Variants in MRPS31 observed in about 807,000 individuals in gnomAD.
MRPS31 encodes the protein mitochondrial ribosomal protein S31.
MRPS31 carries 32 observed loss-of-function variants against 43.1 expected under a neutral mutation model. The observed-to-expected ratio is 0.74, with a 90% CI of 0.56 to 1.00. MRPS31 has a LOEUF of 1.00. Ranked by LOEUF, MRPS31 falls within the 50% of genes least tolerant of loss-of-function variation. MRPS31 has a pLI of 0.00. For missense variants in MRPS31, 437 were observed against 466.7 expected (o/e 0.94, Z 0.59); for synonymous variants, 165 against 161.6 (o/e 1.02, Z -0.16).
intron 6 of MRPS31, among the ~76,000 whole-genome samples, chr13:40,735,674 G>A (rs1879877844): frequency 1.3e-5 from 2 of 152,068 alleles, no homozygotes; most frequent in Non-Finnish European, 2.9e-5. Context: ...GGGGCAGACT[G>A]ACACCTCACA....
intron 6 of MRPS31, among the ~76,000 whole-genome samples, chr13:40,733,002 T>C (rs941288283): frequency 2.8e-5 from 4 of 143,250 alleles, no homozygotes; most frequent in Admixed American, 2.8e-4. Context: ...TGGTTTTTTT[T>C]TTTTTTTTTT....
At chr13:40,757,961 T>C (rs373946910) in intron 3 of MRPS31, among the ~76,000 whole-genome samples, 15 of 150,780 alleles carry the variant, frequency 9.9e-5, no homozygotes, top group East Asian at 8.2e-4. Flanking sequence ...GCTAACACAG[T>C]GAAACACTGT....
chr13:40,750,139 G>A (rs1285032505), intron 5 of MRPS31, among the ~76,000 whole-genome samples: 2 of 152,130 alleles, frequency 1.3e-5, no homozygotes, highest in Non-Finnish European at 2.9e-5. Context: ...CCACTAACAG[G>A]TGAATAGGTA....
At chr13:40,758,593 T>C (rs772461665) in intron 3 of MRPS31, among the ~76,000 whole-genome samples, 3 of 152,222 alleles carry the variant, frequency 2.0e-5, no homozygotes, top group Non-Finnish European at 4.4e-5. Flanking sequence ...CTGAAGATTA[T>C]CATCCTGTGC....
At chr13:40,741,076 TGAG>T (rs1880076205) in intron 6 of MRPS31, among the ~76,000 whole-genome samples, 3 of 151,632 alleles carry the variant, frequency 2.0e-5, no homozygotes, top group South Asian at 4.2e-4. Context: ...ATTGGAAGGA[TGAG>T]GAGAAGATAT....
chr13:40,757,742 CTTT>C (rs374204641), intron 3 of MRPS31, among the ~76,000 whole-genome samples: 2 of 129,574 alleles, frequency 1.5e-5, no homozygotes, highest in African/African-American at 5.6e-5. Context: ...GTGCGCCTGG[CTTT>C]TTTTTTTTTT....
intron 4 of MRPS31, among the ~76,000 whole-genome samples, chr13:40,756,403 G>A (rs1880527090): frequency 6.6e-6 from 1 of 152,130 alleles, no homozygotes; most frequent in Non-Finnish European, 1.5e-5. Context: ...ATTTTAAAGT[G>A]TTATATAAAC....
chr13:40,760,722 C>T (rs1397369661), intron 2 of MRPS31, among the ~76,000 whole-genome samples: 1 of 151,248 alleles, frequency 6.6e-6, no homozygotes, highest in Non-Finnish European at 1.5e-5. Flanking sequence ...CCCATTTCAT[C>T]CTCCTGAGTA....
intron 6 of MRPS31, among the ~76,000 whole-genome samples, chr13:40,743,364 A>T (rs113934843): frequency 0.021 from 3,133 of 151,936 alleles, 98 homozygotes; most frequent in African/African-American, 0.069. Context: ...GAGAAGTGGG[A>T]CCTCATTAAA....
chr13:40,768,096 T>C (rs1427398272), intron 1 of MRPS31, among the ~76,000 whole-genome samples: 1 of 152,248 alleles, frequency 6.6e-6, no homozygotes, highest in Non-Finnish European at 1.5e-5. Context: ...TAATTCTAAG[T>C]AATCCAAATA....
Position 40,729,176 on chromosome 13 carries a change from G to T in MRPS31, c.*196C>A. On this transcript the variant is annotated 3_prime_UTR_variant, in exon 7 of 7. Transcript: ENST00000323563. Reference sequence around the variant, plus strand: ...ATTACTAATTCCCAGATATTCTTTTGAACCTATGAATACTGATGATTTTTC... The same window carrying T: ...ATTACTAATTCCCAGATATTCTTTTTAACCTATGAATACTGATGATTTTTC... The T allele has an allele frequency of 2.5e-6, 1 of 406,794 alleles. No homozygotes were observed. The highest frequency in any genetic ancestry group is 4.4e-6 in the Non-Finnish European group (1 of 228,336). 25.2% of individuals were successfully genotyped at this position (406,794 alleles called of 1,614,324 possible).
intron 6 of MRPS31, among the ~76,000 whole-genome samples, chr13:40,737,740 G>T (rs1039510065): frequency 6.6e-6 from 1 of 152,010 alleles, no homozygotes; most frequent in Non-Finnish European, 1.5e-5. Context: ...TGAAACCAAC[G>T]AGAACAAAGA....
intron 1 of MRPS31, 83 bp downstream of exon 1, chr13:40,770,902 T>G: frequency 1.3e-6 from 2 of 1,548,412 alleles, no homozygotes; most frequent in Non-Finnish European, 1.8e-6. Flanking sequence ...AGCAATAGCT[T>G]CTAAGACCCA....
At chr13:40,757,570 G>A (rs1179802646) in intron 3 of MRPS31, among the ~76,000 whole-genome samples, 1 of 147,126 alleles carries the variant, frequency 6.8e-6, no homozygotes, top group African/African-American at 2.5e-5. Flanking sequence ...TCAGCCTTCC[G>A]AGTAGCTGAG....
chr13:40,766,003 A>G (rs576958014), intron 2 of MRPS31, among the ~76,000 whole-genome samples: 73 of 152,254 alleles, frequency 4.8e-4, no homozygotes, highest in Non-Finnish European at 9.7e-4. Flanking sequence ...CATATAAAGC[A>G]ATTGTAATCA....
Position 40,754,025 on chromosome 13 carries a change from C to T in MRPS31, c.808G>A (p.Glu270Lys), listed in dbSNP as rs185897036. Reference protein sequence around the residue: ...DMMAVTKEAPETDTSPSLWDV... With the variant: ...DMMAVTKEAPKTDTSPSLWDV... ...AGTGTTATTCTTAACAAACCTGTTT[C>T]AGGTGCTTCTTTAGTAACTGCCATC... Residue 270 changes from glutamate (E) to lysine (K), a missense_variant, in exon 5 of 7, where the codon GAA becomes AAA. Physicochemically the swap from Glu to Lys is moderately conservative, Grantham distance 56. Transcript: ENST00000323563. 26 of 1,591,372 alleles carry T rather than the reference C, an allele frequency of 1.6e-5. No homozygotes were observed. The Admixed American group carries it at 3.9e-4, about 24-fold the overall frequency.
rs1389059430 is a variant in MRPS31 at position 40,729,144 on chromosome 13, T to G, written c.*228A>C. On this transcript the variant is annotated 3_prime_UTR_variant, in exon 7 of 7. Coordinates refer to ENST00000323563, the MANE Select transcript of MRPS31 (RefSeq NM_005830.4). ...AGAAAAAGGTTAGGAGTTGTTGTCT[T>G]AAATGTATTACTAATTCCCAGATAT... 5.7e-6 allele frequency: 2 copies of G among 348,264 alleles called. No homozygotes were observed. The highest frequency in any genetic ancestry group is 5.4e-5 in the East Asian group (1 of 18,416). 21.6% of individuals were successfully genotyped at this position (348,264 alleles called of 1,614,324 possible). A position where few individuals can be genotyped will look rare whatever the true frequency, so the allele number is the denominator to read the frequency against.
chr13:40,764,752 G>C (rs1280059851), intron 2 of MRPS31, among the ~76,000 whole-genome samples: 1 of 152,192 alleles, frequency 6.6e-6, no homozygotes. Flanking sequence ...ACCTATGAGT[G>C]AGCAAACTTC....
At chr13:40,760,198 C>A (rs1880656358) in intron 2 of MRPS31, among the ~76,000 whole-genome samples, 1 of 143,938 alleles carries the variant, frequency 6.9e-6, no homozygotes, top group African/African-American at 2.6e-5. Flanking sequence ...ACAGGGAACA[C>A]TAATCTGAGG....
Sources: allele counts gnomAD v4.1 joint callset (sites outside exome capture counted in the v4.1 genomes callset), GRCh38; gene constraint gnomAD v4.1.1; transcripts MANE v1.5; gene names NCBI Gene and HGNC (gene_info 2026-07-23, HGNC 2026-07-21).